HAT1: variants seen among roughly 807,000 people sequenced by gnomAD.
HAT1 encodes the protein histone acetyltransferase 1.
HAT1 carries 20 observed loss-of-function variants against 56.6 expected under a neutral mutation model. That is an observed-to-expected ratio of 0.35 (90% confidence interval 0.25 to 0.51). HAT1 has a LOEUF of 0.51. Ranked by LOEUF, HAT1 falls within the 20% of genes least tolerant of loss-of-function variation. The pLI, the probability that HAT1 is intolerant of heterozygous loss-of-function variation, is 0.95. For synonymous variants in HAT1, 146 were observed against 165.5 expected (o/e 0.88, Z 0.91); for missense variants, 408 against 504.3 (o/e 0.81, Z 1.83).
intron 2 of HAT1, among the ~76,000 whole-genome samples, chr2:171,939,444 A>G (rs1558965821): frequency 6.6e-6 from 1 of 152,224 alleles, no homozygotes; most frequent in Non-Finnish European, 1.5e-5. Flanking sequence ...TGTCACAAAA[A>G]TAAGCAAGTT....
At chr2:171,974,201 GAAAAA>G (rs1687902204) in intron 8 of HAT1, among the ~76,000 whole-genome samples, 1 of 83,482 alleles carries the variant, frequency 1.2e-5, no homozygotes, top group Non-Finnish European at 2.5e-5. Flanking sequence ...AAGAAAAAAA[GAAAAA>G]GAAAAAAAAA....
chr2:171,929,201 G>A (rs1317297914), intron 2 of HAT1, among the ~76,000 whole-genome samples: 1 of 152,018 alleles, frequency 6.6e-6, no homozygotes, highest in African/African-American at 2.4e-5. Context: ...GGTTTTAATT[G>A]TCTTTTCCCT....
At chr2:171,941,350 T>C (rs191940592) in intron 2 of HAT1, among the ~76,000 whole-genome samples, 3 of 152,210 alleles carry the variant, frequency 2.0e-5, no homozygotes, top group African/African-American at 4.8e-5. Flanking sequence ...GTAGCTGTGA[T>C]TTTAGGTGTG....
At chr2:171,934,608 G>A (rs1174085385) in intron 2 of HAT1, among the ~76,000 whole-genome samples, 3 of 152,152 alleles carry the variant, frequency 2.0e-5, no homozygotes, top group Admixed American at 6.6e-5. Flanking sequence ...TGGGAGGAGT[G>A]AGTAGACTTG....
intron 4 of HAT1, among the ~76,000 whole-genome samples, chr2:171,958,415 C>T (rs1232536209): frequency 1.3e-5 from 2 of 151,324 alleles, no homozygotes; most frequent in African/African-American, 4.9e-5. Context: ...CCCCTTTTGA[C>T]CATGTGTTTT....
intron 10 of HAT1, 158 bp downstream of exon 10, chr2:171,979,521 C>G: frequency 1.8e-6 from 1 of 542,586 alleles, no homozygotes; most frequent in Non-Finnish European, 3.3e-6. Context: ...AAAATTCTCA[C>G]TCATGGCCGG....
chr2:171,973,392 A>C (rs1687867162), intron 8 of HAT1, among the ~76,000 whole-genome samples: 2 of 95,444 alleles, frequency 2.1e-5, no homozygotes, highest in South Asian at 4.6e-4. Context: ...TAAGCTCACC[A>C]ATTTCTGCAA....
intron 2 of HAT1, among the ~76,000 whole-genome samples, chr2:171,943,074 T>C (rs1164078394): frequency 0.87 from 126,768 of 145,362 alleles, 54,187 homozygotes; most frequent in South Asian, 0.96. Context: ...CATATTTGAG[T>C]TTTTTTTTTT....
intron 10 of HAT1, chr2:171,980,040 C>T (rs1335038537): frequency 6.6e-6 from 1 of 152,082 alleles, no homozygotes; most frequent in African/African-American, 2.4e-5. Context: ...TCACTTGAAC[C>T]CAAGAGGTGG....
intron 8 of HAT1, among the ~76,000 whole-genome samples, chr2:171,975,348 G>A (rs941543602): frequency 2.0e-5 from 3 of 151,916 alleles, no homozygotes; most frequent in African/African-American, 4.8e-5. Context: ...CAGGTGATCC[G>A]CCCGCCTCAG....
chr2:171,977,555 ATATTTTTTTT>A (rs1472318258), intron 9 of HAT1, among the ~76,000 whole-genome samples: 4 of 11,222 alleles, frequency 3.6e-4, no homozygotes, highest in Admixed American at 1.1e-3. Flanking sequence ...ATATATATAT[ATATTTTTTTT>A]TTTTTTTTTT....
At chr2:171,946,277 A>C (rs1423425836) in intron 2 of HAT1, among the ~76,000 whole-genome samples, 1 of 152,254 alleles carries the variant, frequency 6.6e-6, no homozygotes, top group Non-Finnish European at 1.5e-5. Flanking sequence ...GTCATCTAGC[A>C]GTCAAAAAGA....
intron 4 of HAT1, among the ~76,000 whole-genome samples, chr2:171,956,031 C>T (rs1474496090): frequency 6.6e-6 from 1 of 151,180 alleles, no homozygotes; most frequent in Non-Finnish European, 1.5e-5. Context: ...GGCAACAGAG[C>T]GAGACTCTGT....
At chr2:171,955,940 G>C (rs1344326169) in intron 4 of HAT1, among the ~76,000 whole-genome samples, 1 of 152,044 alleles carries the variant, frequency 6.6e-6, no homozygotes, top group Non-Finnish European at 1.5e-5. Flanking sequence ...AGCTACTCGG[G>C]AGGCTGAGGC....
At chr2:171,977,551 ATATATATTTTTTTTTTTT>A (rs1251968924) in intron 9 of HAT1, among the ~76,000 whole-genome samples, 5 of 13,430 alleles carry the variant, frequency 3.7e-4, no homozygotes, top group East Asian at 2.8e-3. Flanking sequence ...ATATATATAT[ATATATATTTTTTTTTTTT>A]TTTTTTTTTT....
At chr2:171,925,274 C>T (rs1437705132) in intron 1 of HAT1, among the ~76,000 whole-genome samples, 1 of 151,928 alleles carries the variant, frequency 6.6e-6, no homozygotes, top group East Asian at 1.9e-4. Context: ...GTTTCACCAT[C>T]TTGGCGAGGC....
intron 8 of HAT1, among the ~76,000 whole-genome samples, chr2:171,974,195 A>AAAAAAG (rs1687899775): frequency 7.0e-5 from 4 of 57,120 alleles, no homozygotes; most frequent in African/African-American, 1.8e-4. Context: ...AAAAAAAAGA[A>AAAAAAG]AAAAAGAAAA....
intron 2 of HAT1, among the ~76,000 whole-genome samples, chr2:171,930,939 G>A (rs968383006): frequency 6.6e-6 from 1 of 151,880 alleles, no homozygotes; most frequent in Admixed American, 6.6e-5. Context: ...TTTAGATGTA[G>A]ATTATTTCAG....
intron 8 of HAT1, among the ~76,000 whole-genome samples, chr2:171,967,905 C>CA (rs1186526007): frequency 2.6e-4 from 36 of 138,648 alleles, no homozygotes; most frequent in East Asian, 4.2e-4. Flanking sequence ...CCACCCCCAC[C>CA]AAAAAAAAAA....
Sources: gnomAD v4.1 joint callset for allele counts (sites outside exome capture counted in the v4.1 genomes callset) on GRCh38, gnomAD v4.1.1 for gene constraint, MANE v1.5 for transcripts, NCBI Gene and HGNC (gene_info 2026-07-23, HGNC 2026-07-21) for gene names.